The following SEMA6A variants were observed in gnomAD, a reference collection of about 807,000 sequenced individuals.
SEMA6A encodes semaphorin-6A.
Under a neutral mutation model 96.8 loss-of-function variants are expected in SEMA6A, and 25 were observed. The observed-to-expected ratio is 0.26, with a 90% CI of 0.19 to 0.36. SEMA6A has a LOEUF of 0.36. Among genes scored for constraint, SEMA6A ranks in the 10% least tolerant of loss-of-function variants. The pLI, the probability that SEMA6A is intolerant of heterozygous loss-of-function variation, is 1.00. For synonymous variants in SEMA6A, 612 were observed against 518.0 expected, an observed-to-expected ratio of 1.18 and a Z score of -2.46; for missense variants, 1,363 against 1,323.1, an observed-to-expected ratio of 1.03 and a Z score of -0.47.
At chr5:116,539,706 T>C (rs1471245004) in intron 1 of SEMA6A, among the ~76,000 whole-genome samples, 2 of 152,172 alleles carry the variant, frequency 1.3e-5, no homozygotes, top group Admixed American at 6.5e-5. Flanking sequence ...CAACTTGATC[T>C]TCACCACTAG....
At chr5:116,478,241 G>A (rs1031775030) in intron 13 of SEMA6A, 87 bp from the exon 14 acceptor site, 3 of 1,468,726 alleles carry the variant, frequency 2.0e-6, no homozygotes, top group South Asian at 1.3e-5. Flanking sequence ...CAGCCCACAA[G>A]GCAATCTCTT....
intron 1 of SEMA6A, among the ~76,000 whole-genome samples, chr5:116,549,434 A>C (rs1328334394): frequency 1.3e-5 from 2 of 152,180 alleles, no homozygotes; most frequent in African/African-American, 2.4e-5. Flanking sequence ...GGAAGGGGAA[A>C]CAAGAATGGG....
At chr5:116,472,687 C>T in intron 17 of SEMA6A, 1 of 490,648 alleles carries the variant, frequency 2.0e-6, no homozygotes, top group Non-Finnish European at 3.5e-6. Context: ...AAATTTAGGA[C>T]TCAGTCTCCC....
At chr5:116,573,503 A>T (rs1016758301) in intron 1 of SEMA6A, among the ~76,000 whole-genome samples, 1 of 151,996 alleles carries the variant, frequency 6.6e-6, no homozygotes, top group Non-Finnish European at 1.5e-5. Context: ...GCTCCCGGAC[A>T]CTTATTCGAG....
At chr5:116,549,263 T>C (rs1324701934) in intron 1 of SEMA6A, among the ~76,000 whole-genome samples, 1 of 152,112 alleles carries the variant, frequency 6.6e-6, no homozygotes, top group Admixed American at 6.6e-5. Context: ...GCATTCATAA[T>C]GGAATAAGTT....
At chr5:116,551,686 A>T (rs1355176402) in intron 1 of SEMA6A, among the ~76,000 whole-genome samples, 1 of 152,108 alleles carries the variant, frequency 6.6e-6, no homozygotes, top group Admixed American at 6.6e-5. Context: ...ACATAGTTTC[A>T]TTTGCGGACA....
At chr5:116,468,539 T>C (rs140024158) in intron 17 of SEMA6A, 30 of 152,332 alleles carry the variant, frequency 2.0e-4, no homozygotes, top group African/African-American at 6.3e-4. Context: ...TAAGCTACCA[T>C]AGGATAATAT....
intron 1 of SEMA6A, among the ~76,000 whole-genome samples, chr5:116,569,108 C>G (rs773065676): frequency 2.6e-5 from 4 of 151,984 alleles, no homozygotes; most frequent in Non-Finnish European, 5.9e-5. Context: ...GACAGAAAAT[C>G]AACAAGGACA....
chr5:116,462,516 A>C (rs1286249309), intron 18 of SEMA6A, among the ~76,000 whole-genome samples: 1 of 152,210 alleles, frequency 6.6e-6, no homozygotes. Context: ...CAGATGCTTA[A>C]CAAGCCTAGA....
chr5:116,475,594 A>C lies in SEMA6A; in HGVS notation c.1659T>G (p.Phe553Leu). ...TATTGCCACGCTCTATGTCCTGCTC[A>C]AAAGTCAGTCTTTTAAAAAAGGAAG... ...SHLSPNSRLT[F>L]EQDIERGNTD... is the part of the protein sequence containing the mutation. Residue 553 changes from phenylalanine to leucine, a missense_variant, in exon 16 of 19, where the codon TTT becomes TTG. Physicochemically the swap from Phe to Leu is conservative, Grantham distance 22 (BLOSUM62 0). Transcript: ENST00000343348. 3.7e-6 allele frequency: 6 copies of C among 1,601,676 alleles called. No homozygotes were observed. Among genetic ancestry groups the C allele is most frequent in the Non-Finnish European group, 4.3e-6 (5 of 1,173,746 alleles).
intron 1 of SEMA6A, among the ~76,000 whole-genome samples, chr5:116,530,888 A>G (rs1347912841): frequency 6.6e-6 from 1 of 152,212 alleles, no homozygotes; most frequent in Admixed American, 6.5e-5. Context: ...TTACTGTATG[A>G]CAGACACAGA....
At position 116,478,168 on chromosome 5, in the gene SEMA6A, G is replaced by A. The variant is rs771869707; in HGVS notation, c.1428-14C>T. ...TCATAGCTGCATCTAATTTCATCAG[G>A]CAAGATAATATCATTAATAGACTCT... is the stretch of plus-strand genomic sequence containing the variant. On this transcript the variant is annotated splice_polypyrimidine_tract_variant and intron_variant, in intron 13 of 18. Transcript: ENST00000343348. 1.7e-5 allele frequency: 27 copies of A among 1,613,112 alleles called. No individual in the cohort carries two copies. The highest frequency in any genetic ancestry group is 4.5e-5 in the East Asian group (2 of 44,826).
Position 116,460,298 on chromosome 5 carries a change from AAC to A in SEMA6A, c.1894+7283_1894+7284del, listed in dbSNP as rs1262820393. On this transcript the variant is annotated intron_variant, in intron 18 of 18. Coordinates refer to ENST00000343348, the MANE Select transcript of SEMA6A (RefSeq NM_020796.5). ...TTAAATTACTCTTTATCACATTTCA[AAC>A]ACATATATAATATTTCATAGACATT... 2.0e-5 allele frequency among the ~76,000 whole-genome samples: 3 copies of A among 152,184 alleles called. No individual in the cohort carries two copies. The South Asian group carries it at 6.2e-4, about 31-fold the overall frequency.
At chr5:116,563,786 T>A (rs548412827) in intron 1 of SEMA6A, among the ~76,000 whole-genome samples, 60 of 152,368 alleles carry the variant, frequency 3.9e-4, no homozygotes, top group African/African-American at 1.3e-3. Flanking sequence ...TTTGTTGTTG[T>A]TTAAACATCT....
At chr5:116,570,414 A>G (rs1009152898) in intron 1 of SEMA6A, among the ~76,000 whole-genome samples, 2 of 152,172 alleles carry the variant, frequency 1.3e-5, no homozygotes, top group Non-Finnish European at 2.9e-5. Context: ...ACATGCACAA[A>G]TGTGGCTGCC....
intron 1 of SEMA6A, among the ~76,000 whole-genome samples, chr5:116,558,459 T>TAAGC (rs1561536138): frequency 3.2e-4 from 13 of 40,018 alleles, no homozygotes; most frequent in South Asian, 1.5e-3. Flanking sequence ...TTTTTTTTTT[T>TAAGC]TTTTTTTTTT....
chr5:116,472,918 G>A (rs1756237983), intron 17 of SEMA6A, 155 bp downstream of exon 17: 2 of 1,522,632 alleles, frequency 1.3e-6, no homozygotes, highest in Admixed American at 2.1e-5. Flanking sequence ...TCATTATCTG[G>A]TAGAGGAGTT....
At chr5:116,517,556 C>CT (rs1280827531) in intron 1 of SEMA6A, among the ~76,000 whole-genome samples, 19 of 152,104 alleles carry the variant, frequency 1.2e-4, no homozygotes, top group African/African-American at 4.3e-4. Context: ...GAATTGCTGA[C>CT]TGAGTTACTT....
chr5:116,497,314 T>G lies in SEMA6A; in HGVS notation c.279+13A>C, dbSNP rs572837720. 9 of 1,535,434 alleles carry G rather than the reference T, an allele frequency of 5.9e-6. No individual in the cohort carries two copies. The South Asian group carries it at 9.1e-5, about 15-fold the overall frequency. ...GTCCTTCATTTTACAAATATAGTTT[T>G]AAAACAACTTACTTTGCTACAATAA... is the stretch of plus-strand genomic sequence containing the variant. On this transcript the variant is annotated intron_variant, in intron 4 of 18. Transcript: ENST00000343348.
Sources: gnomAD v4.1 joint callset for allele counts (sites outside exome capture counted in the v4.1 genomes callset) on GRCh38, gnomAD v4.1.1 for gene constraint, MANE v1.5 for transcripts, NCBI Gene and HGNC (gene_info 2026-07-23, HGNC 2026-07-21) for gene names.